Variants in HS3ST1 observed in about 807,000 individuals in gnomAD.
HS3ST1 encodes heparan sulfate-glucosamine 3-sulfotransferase 1, also known as heparan sulfate glucosamine 3-O-sulfotransferase 1.
Under a neutral mutation model 20.7 loss-of-function variants are expected in HS3ST1, and 8 were observed. The observed-to-expected ratio is 0.39, with a 90% CI of 0.23 to 0.70. The LOEUF (loss-of-function observed/expected upper bound fraction) is 0.70. Among genes scored for constraint, HS3ST1 ranks in the 30% least tolerant of loss-of-function variants. The probability of loss-of-function intolerance (pLI) is 0.46; values close to 1 mark genes in which losing one functional copy is unlikely to be tolerated. For synonymous variants in HS3ST1, 205 were observed against 190.4 expected (o/e 1.08, Z -0.63); for missense variants, 436 against 423.4 (o/e 1.03, Z -0.26).
upstream of HS3ST1, among the ~76,000 whole-genome samples, chr4:11,432,380 G>T (rs537119184): frequency 6.6e-6 from 1 of 152,188 alleles, no homozygotes; most frequent in South Asian, 2.1e-4. Flanking sequence ...AAGGAAATTG[G>T]GATCAGGTTA....
At chr4:11,401,544 A>G (rs890600913) in intron 1 of HS3ST1, among the ~76,000 whole-genome samples, 4 of 151,962 alleles carry the variant, frequency 2.6e-5, no homozygotes, top group South Asian at 2.1e-4. Context: ...GGCTTTCTCT[A>G]TGTTGGTCAG....
chr4:11,423,333 A>T (rs7655727), intron 1 of HS3ST1, among the ~76,000 whole-genome samples: 79,226 of 152,002 alleles, frequency 0.52, 22,050 homozygotes, highest in African/African-American at 0.72. Context: ...TGGATGATAG[A>T]CCCAGGATAC....
At chr4:11,430,181 C>A (rs1049740028), upstream of HS3ST1, among the ~76,000 whole-genome samples, 2 of 152,068 alleles carry the variant, frequency 1.3e-5, no homozygotes, top group African/African-American at 4.8e-5. Context: ...TTTGATACAG[C>A]CAGAAGCACC....
rs750906032 is a variant in HS3ST1, at chr4:11,393,950, G to C, written c.*5132C>G. On this transcript the variant is annotated 3_prime_UTR_variant, in exon 2 of 2. Coordinates refer to ENST00000002596, the MANE Select transcript of HS3ST1 (RefSeq NM_005114.4). ...AGCTGGGGTTGAGAGCACTTCCCTG[G>C]TAAATGAGCTCTGGATGGAGCATTA... 3 of 152,164 alleles carry C rather than the reference G, an allele frequency of 2.0e-5. No homozygotes were observed. The highest frequency in any genetic ancestry group is 4.4e-5 in the Non-Finnish European group (3 of 68,034). The allele number at this position is 152,164 out of a possible 1,614,324, so 9.4% of individuals were successfully genotyped here. A position where few individuals can be genotyped will look rare whatever the true frequency, so the allele number is the denominator to read the frequency against.
intron 1 of HS3ST1, among the ~76,000 whole-genome samples, chr4:11,427,992 C>G (rs1023765628): frequency 2.1e-4 from 32 of 152,216 alleles, no homozygotes; most frequent in African/African-American, 7.2e-4. Context: ...GGCGTTCCAA[C>G]CGCGGGTTCG....
At chr4:11,431,729 A>G (rs1259430537), upstream of HS3ST1, among the ~76,000 whole-genome samples, 1 of 152,208 alleles carries the variant, frequency 6.6e-6, no homozygotes, top group Non-Finnish European at 1.5e-5. Flanking sequence ...CAACTGACCT[A>G]TGAGTTTGGG....
rs1448449882 is a variant in HS3ST1 at position 11,396,207 on chromosome 4, TCCTAAACTTGCAAA to T, written c.*2861_*2874del. ...CCTGTGCTCAGAGGCATGTCACTTTTCCTAAACTTGCAAACCTTCAGGTTGTGAGCTGATAACCA... is the reference window on the plus strand; with the variant it reads ...CCTGTGCTCAGAGGCATGTCACTTTTCCTTCAGGTTGTGAGCTGATAACCA... On this transcript the variant is annotated 3_prime_UTR_variant, in exon 2 of 2. Transcript: ENST00000002596. The T allele has an allele frequency of 6.6e-6, 1 of 152,240 alleles. No homozygotes were observed. Among genetic ancestry groups the T allele is most frequent in the Non-Finnish European group, 1.5e-5 (1 of 68,038 alleles). 9.4% of individuals were successfully genotyped at this position (152,240 alleles called of 1,614,324 possible).
chr4:11,418,494 C>G (rs1472711403), intron 1 of HS3ST1, among the ~76,000 whole-genome samples: 2 of 152,186 alleles, frequency 1.3e-5, no homozygotes, highest in Non-Finnish European at 2.9e-5. Context: ...TCAAATGCTT[C>G]AAATACTACA....
chr4:11,419,376 A>C (rs556734334), intron 1 of HS3ST1, among the ~76,000 whole-genome samples: 1 of 152,162 alleles, frequency 6.6e-6, no homozygotes, highest in Admixed American at 6.5e-5. Context: ...ATGATGCATA[A>C]AATTTAGTTT....
At chr4:11,427,745 T>C (rs968089869) in intron 1 of HS3ST1, among the ~76,000 whole-genome samples, 5 of 152,140 alleles carry the variant, frequency 3.3e-5, no homozygotes, top group Admixed American at 6.5e-5. Flanking sequence ...CGCCTATAAC[T>C]GCAGAGTTAT....
Position 11,399,046 on chromosome 4 carries a change from A to G in HS3ST1, c.*36T>C. ...TCCCCTCAGATGTACACCAGAACTT[A>G]CAGTAGGAAAGTTTCTGAGCTTAGC... On this transcript the variant is annotated 3_prime_UTR_variant, in exon 2 of 2. Coordinates refer to ENST00000002596, the MANE Select transcript of HS3ST1 (RefSeq NM_005114.4). The surrounding 1 kb of genome is among the most constrained non-coding windows in gnomAD (Gnocchi z 5.1). 6.4e-7 allele frequency: 1 copy of G among 1,551,844 alleles called. No homozygotes were observed. Among genetic ancestry groups the G allele is most frequent in the South Asian group, 1.2e-5 (1 of 84,276 alleles).
Position 11,393,241 on chromosome 4 carries a change from A to G in HS3ST1, c.*5841T>C, listed in dbSNP as rs1718049316. 6.6e-6 allele frequency: 1 copy of G among 152,214 alleles called. No homozygotes were observed. Among genetic ancestry groups the G allele is most frequent in the Non-Finnish European group, 1.5e-5 (1 of 68,032 alleles). The allele number at this position is 152,214 out of a possible 1,614,324, so 9.4% of individuals were successfully genotyped here. ...TACCTTCATATTTGTTGGGCCCAGA[A>G]TTGTTTTATGAAGTTGAAATTTAAG... On this transcript the variant is annotated 3_prime_UTR_variant, in exon 2 of 2. Coordinates refer to ENST00000002596, the MANE Select transcript of HS3ST1 (RefSeq NM_005114.4).
At chr4:11,418,731 C>G (rs1718851454) in intron 1 of HS3ST1, among the ~76,000 whole-genome samples, 1 of 152,102 alleles carries the variant, frequency 6.6e-6, no homozygotes, top group Non-Finnish European at 1.5e-5. Context: ...CCAAACCAAA[C>G]CCCCACACAG....
At chr4:11,416,955 G>A (rs1013592922) in intron 1 of HS3ST1, among the ~76,000 whole-genome samples, 8 of 152,214 alleles carry the variant, frequency 5.3e-5, no homozygotes, top group East Asian at 1.9e-4. Flanking sequence ...AAAGTTCTAC[G>A]CAGAGGAAAC....
chr4:11,400,728 A>G (rs186783359), intron 1 of HS3ST1, among the ~76,000 whole-genome samples: 1 of 152,348 alleles, frequency 6.6e-6, no homozygotes, highest in East Asian at 1.9e-4. Context: ...GAGCATGTGA[A>G]TTAGTATGAA....
At chr4:11,411,740 C>T (rs999083389) in intron 1 of HS3ST1, among the ~76,000 whole-genome samples, 1 of 152,286 alleles carries the variant, frequency 6.6e-6, no homozygotes, top group East Asian at 1.9e-4. Context: ...AAATGATTTA[C>T]ATTTTATATT....
chr4:11,429,883 G>A (rs1320332207), upstream of HS3ST1: 1 of 151,846 alleles, frequency 6.6e-6, no homozygotes, highest in Non-Finnish European at 1.5e-5. Flanking sequence ...AAAGGAAGTT[G>A]CCCTCAAAGG....
At position 11,398,867 on chromosome 4, in the gene HS3ST1, TAAC is replaced by T; in HGVS notation, c.*212_*214del. On this transcript the variant is annotated 3_prime_UTR_variant, in exon 2 of 2. Transcript: ENST00000002596. The stretch of plus-strand genomic sequence containing the variant: ...CATATAGAGACATATTACACAATGT[TAAC>T]AACCATGAAAAACAATACAAAATGC... 2.0e-6 allele frequency: 1 copy of T among 493,156 alleles called. No homozygotes were observed. The allele number at this position is 493,156 out of a possible 1,614,324, so 30.5% of individuals were successfully genotyped here.
In HS3ST1 at chr4:11,395,559, C is replaced by G. The variant is rs1485421189; in HGVS notation, c.*3523G>C. ...GTGGCATCATCTCGGCCCCCTGCAA[C>G]CTCCACCTGCCAGGTTCAAGTGGTT... On this transcript the variant is annotated 3_prime_UTR_variant, in exon 2 of 2. Transcript: ENST00000002596. The G allele has an allele frequency of 6.7e-6, 1 of 149,478 alleles. No homozygotes were observed. The highest frequency in any genetic ancestry group is 1.5e-5 in the Non-Finnish European group (1 of 67,666). The allele number at this position is 149,478 out of a possible 1,614,324, so 9.3% of individuals were successfully genotyped here. A position where few individuals can be genotyped will look rare whatever the true frequency, so the allele number is the denominator to read the frequency against.
Sources: gnomAD v4.1 joint callset for allele counts (sites outside exome capture counted in the v4.1 genomes callset) on GRCh38, gnomAD v4.1.1 for gene constraint, Gnocchi (gnomAD v3.1) non-coding constraint, MANE v1.5 for transcripts, NCBI Gene and HGNC (gene_info 2026-07-23, HGNC 2026-07-21) for gene names.